FOCAD: variants seen among roughly 807,000 people sequenced by gnomAD.
FOCAD encodes the protein focadhesin, also known as KIAA1797.
Under a neutral mutation model 225.6 loss-of-function variants are expected in FOCAD, and 198 were observed. The ratio of observed to expected loss-of-function variants is 0.88; its 90% CI spans 0.78 to 0.99. FOCAD has a LOEUF of 0.99. FOCAD is among the 50% of genes least tolerant of loss of function. The pLI is 0.00. For missense variants in FOCAD, 2,713 were observed against 2,123.6 expected (o/e 1.28, Z -5.46); for synonymous variants, 897 against 755.0 (o/e 1.19, Z -3.08).
intron 35 of FOCAD, 78 bp downstream of exon 35, chr9:20,953,143 C>T: frequency 8.7e-7 from 1 of 1,153,778 alleles, no homozygotes; most frequent in Non-Finnish European, 1.3e-6. Context: ...CTAAGCATGC[C>T]TCTGTAGAAT....
chr9:20,764,795 G>C, intron 6 of FOCAD, 74 bp from the exon 7 acceptor site: 1 of 1,109,964 alleles, frequency 9.0e-7, no homozygotes, highest in South Asian at 1.4e-5. Context: ...TGAACTATAA[G>C]TTGATATTTG....
upstream of FOCAD, among the ~76,000 whole-genome samples, chr9:20,656,679 G>A (rs1274475078): frequency 1.3e-5 from 2 of 152,018 alleles, no homozygotes; most frequent in African/African-American, 2.4e-5. Context: ...GTCTCTGCAC[G>A]TGAGATGGGT....
chr9:20,805,855 A>G (rs1822389672), intron 11 of FOCAD, among the ~76,000 whole-genome samples: 1 of 152,200 alleles, frequency 6.6e-6, no homozygotes, highest in Admixed American at 6.5e-5. Flanking sequence ...GTAAAATAGG[A>G]GATAGAAACC....
intron 8 of FOCAD, among the ~76,000 whole-genome samples, chr9:20,774,152 G>A (rs935939719): frequency 6.6e-6 from 1 of 152,134 alleles, no homozygotes; most frequent in African/African-American, 2.4e-5. Flanking sequence ...CCTGCCCCAG[G>A]TGTGTGGAAA....
intron 39 of FOCAD, 22 bp from the exon 40 acceptor site, chr9:20,986,266 A>ATTGTTTTTTTTTTTTTTTTTTTTTTTTT (rs1841142863): frequency 1.6e-6 from 1 of 606,560 alleles, no homozygotes; most frequent in Non-Finnish European, 2.1e-6. Flanking sequence ...TAACTAAACA[A>ATTGTTTTTTTTTTTTTTTTTTTTTTTTT]TTTTTTTTTT....
rs1278378152 is a variant in FOCAD, at chr9:20,933,051, A to C, written c.3355A>C (p.Lys1119Gln). ...SGQEMNLLLM[K>Q]SLDALENCCF... ...CCAAGAGATGAACCTTCTTCTGATG[A>C]AGTCGTTGGATGCCCTGGAAAATTG... Residue 1119 changes from lysine to glutamine, a missense_variant, in exon 28 of 44, where the codon AAG becomes CAG. By Grantham distance (53) the Lys-to-Gln change is moderately conservative. Coordinates refer to ENST00000338382, the MANE Select transcript of FOCAD (RefSeq NM_001375567.1). 6.2e-7 allele frequency: 1 copy of C among 1,614,030 alleles called. No individual in the cohort carries two copies. The highest frequency in any genetic ancestry group is 1.7e-5 in the Admixed American group (1 of 60,032).
intron 1 of FOCAD, among the ~76,000 whole-genome samples, chr9:20,709,257 A>T (rs1587288626): frequency 6.6e-6 from 1 of 152,288 alleles, no homozygotes; most frequent in South Asian, 2.1e-4. Context: ...TTTCTGATTT[A>T]GGTTTAGACA....
intron 15 of FOCAD, among the ~76,000 whole-genome samples, chr9:20,845,412 C>T (rs1007739138): frequency 1.5e-5 from 2 of 134,916 alleles, no homozygotes; most frequent in Non-Finnish European, 3.1e-5. Flanking sequence ...GATTCTTCTC[C>T]TCTTGATATA....
intron 1 of FOCAD, among the ~76,000 whole-genome samples, chr9:20,684,849 C>G (rs1032822043): frequency 3.3e-5 from 5 of 152,228 alleles, no homozygotes; most frequent in Admixed American, 3.3e-4. Context: ...TCCTAGTTCT[C>G]TGGCTCCGTC....
chr9:20,763,980 G>A (rs555863339), intron 6 of FOCAD, among the ~76,000 whole-genome samples: 1 of 152,150 alleles, frequency 6.6e-6, no homozygotes, highest in Non-Finnish European at 1.5e-5. Context: ...CTCTCCTTCA[G>A]TTTCTTTATC....
Position 20,941,730 on chromosome 9 carries a change from C to T in FOCAD, c.3408-2897C>T, listed in dbSNP as rs370312402. Among the ~76,000 whole-genome samples, 26 of 152,312 alleles carry T rather than the reference C, an allele frequency of 1.7e-4. No individual in the cohort carries two copies. The South Asian group carries it at 5.0e-3, about 29-fold the overall frequency. On this transcript the variant is annotated intron_variant, in intron 28 of 43. Coordinates refer to ENST00000338382, the MANE Select transcript of FOCAD (RefSeq NM_001375567.1). ...TCTTATAGAACATTTATGTTAGCAA[C>T]TCCAAAGTTCAGTTTCATACCCAAT...
At chr9:20,662,026 A>G (rs1188753630) in intron 2 of FOCAD, among the ~76,000 whole-genome samples, 1 of 152,242 alleles carries the variant, frequency 6.6e-6, no homozygotes, top group Non-Finnish European at 1.5e-5. Flanking sequence ...TCTATGAAAA[A>G]TGGGGAATTA....
At chr9:20,749,108 A>G (rs1828317993) in intron 5 of FOCAD, among the ~76,000 whole-genome samples, 1 of 152,116 alleles carries the variant, frequency 6.6e-6, no homozygotes, top group East Asian at 1.9e-4. Flanking sequence ...CCCCCAACCA[A>G]TTACTTTGTA....
intron 28 of FOCAD, among the ~76,000 whole-genome samples, chr9:20,934,002 T>C (rs1278725322): frequency 6.6e-6 from 1 of 152,208 alleles, no homozygotes; most frequent in Admixed American, 6.5e-5. Context: ...CATTTGTATA[T>C]CTTCTTTTGA....
chr9:20,710,323 C>T (rs113506077), intron 1 of FOCAD, among the ~76,000 whole-genome samples: 8,320 of 148,330 alleles, frequency 0.056, 242 homozygotes, highest in Middle Eastern at 0.15. Context: ...TTACTGGGCA[C>T]GGTGGCTCAC....
At chr9:20,936,685 G>T (rs538919389) in intron 28 of FOCAD, among the ~76,000 whole-genome samples, 14 of 152,136 alleles carry the variant, frequency 9.2e-5, no homozygotes, top group Admixed American at 9.2e-4. Flanking sequence ...AAAAAACAGG[G>T]ATGCCCTCTC....
chr9:20,710,229 A>ATTTTTTTTTTTTTTTTTTTTTTT (rs749860355), intron 1 of FOCAD, among the ~76,000 whole-genome samples: 1 of 102,290 alleles, frequency 9.8e-6, no homozygotes. Context: ...AGTAGCTGAG[A>ATTTTTTTTTTTTTTTTTTTTTTT]TTTTTTTTTT....
chr9:20,921,342 G>A (rs183918952), intron 24 of FOCAD, among the ~76,000 whole-genome samples: 206 of 152,278 alleles, frequency 1.4e-3, no homozygotes, highest in Middle Eastern at 3.4e-3. Flanking sequence ...AACGTCGGTG[G>A]TGTTGCCTAG....
At chr9:20,940,927 T>C (rs1161954631) in intron 28 of FOCAD, among the ~76,000 whole-genome samples, 1 of 152,216 alleles carries the variant, frequency 6.6e-6, no homozygotes, top group Non-Finnish European at 1.5e-5. Context: ...TGTATTTATT[T>C]TTTTTCTGAC....
Sources: gnomAD v4.1 joint callset for allele counts (sites outside exome capture counted in the v4.1 genomes callset) on GRCh38, gnomAD v4.1.1 for gene constraint, MANE v1.5 for transcripts, NCBI Gene and HGNC (gene_info 2026-07-23, HGNC 2026-07-21) for gene names.